The following EIF4ENIF1 variants were observed in gnomAD, a reference collection of about 807,000 sequenced individuals.
EIF4ENIF1 encodes eukaryotic translation initiation factor 4E transporter.
A neutral mutation model predicts 110.5 loss-of-function variants in EIF4ENIF1; 23 were observed. The ratio of observed to expected loss-of-function variants is 0.21; its 90% CI spans 0.15 to 0.29. EIF4ENIF1 has a LOEUF of 0.29. Among genes scored for constraint, EIF4ENIF1 ranks in the 10% least tolerant of loss-of-function variants. EIF4ENIF1 has a pLI of 1.00. For synonymous variants in EIF4ENIF1, 440 were observed against 437.0 expected (o/e 1.01, Z -0.09); for missense variants, 1,031 against 1,221.1 (o/e 0.84, Z 2.32).
chr22:31,488,626 T>G lies in EIF4ENIF1; in HGVS notation c.93A>C (p.Thr31=), dbSNP rs570477448. 5.9e-5 allele frequency: 95 copies of G among 1,614,196 alleles called. 1 individual carries two copies. In the South Asian group the frequency reaches 7.0e-4, roughly 12 times the overall value. ...TTTCATTAGTGGCAAACCTTACTTT[T>G]GTATAGCGATGGGGGCATTTGGAGG... The part of the protein sequence containing the change: ...PPASKCPHRY[T]KEELLDIKEL... Residue 31 remains threonine, a synonymous_variant, in exon 2 of 19, where the codon ACA becomes ACC. Coordinates refer to ENST00000330125, the MANE Select transcript of EIF4ENIF1 (RefSeq NM_019843.4).
At chr22:31,447,769 C>T (rs1340672273) in intron 13 of EIF4ENIF1, among the ~76,000 whole-genome samples, 2 of 152,194 alleles carry the variant, frequency 1.3e-5, no homozygotes, top group Admixed American at 6.5e-5. Flanking sequence ...ATTGTCTAAC[C>T]TTCACTGAGC....
chr22:31,444,111 T>C (rs1353916088), intron 15 of EIF4ENIF1, among the ~76,000 whole-genome samples: 1 of 152,178 alleles, frequency 6.6e-6, no homozygotes, highest in African/African-American at 2.4e-5. Flanking sequence ...ATGAAACATT[T>C]TTTAAAGTAA....
Position 31,439,642 on chromosome 22 carries a change from G to A in EIF4ENIF1, c.*238C>T. 2 of 569,384 alleles carry A rather than the reference G, an allele frequency of 3.5e-6. No individual in the cohort carries two copies. The highest frequency in any genetic ancestry group is 5.9e-6 in the Non-Finnish European group (2 of 337,010). 35.3% of individuals were successfully genotyped at this position (569,384 alleles called of 1,614,324 possible). A position where few individuals can be genotyped will look rare whatever the true frequency, so the allele number is the denominator to read the frequency against. ...CTTCATTCACATATCTTACAAAAAA[G>A]AAAGACCATTTCCAGGATTGACAAC... On this transcript the variant is annotated 3_prime_UTR_variant, in exon 19 of 19. Coordinates refer to ENST00000330125, the MANE Select transcript of EIF4ENIF1 (RefSeq NM_019843.4).
chr22:31,438,985 G>T (rs550277185), downstream of EIF4ENIF1, among the ~76,000 whole-genome samples: 1 of 152,334 alleles, frequency 6.6e-6, no homozygotes, highest in Admixed American at 6.5e-5. Flanking sequence ...CTCCCAGAGT[G>T]CTGAGATTAC....
intron 1 of EIF4ENIF1, chr22:31,489,493 G>A (rs866099132): frequency 1.5e-4 from 22 of 148,960 alleles, no homozygotes; most frequent in African/African-American, 5.1e-4. Context: ...CCGGCCCGGC[G>A]GCTCGGTCCC....
chr22:31,463,271 C>T, intron 5 of EIF4ENIF1, 138 bp from the exon 6 acceptor site: 3 of 768,312 alleles, frequency 3.9e-6, no homozygotes, highest in Non-Finnish European at 6.2e-6. Flanking sequence ...ACCCCCACCC[C>T]TTCCTCCCTG....
At chr22:31,473,253 T>TA (rs1304587089) in intron 2 of EIF4ENIF1, among the ~76,000 whole-genome samples, 2 of 152,182 alleles carry the variant, frequency 1.3e-5, no homozygotes, top group African/African-American at 4.8e-5. Flanking sequence ...AGGATGTACT[T>TA]AGCTGGTATG....
intron 13 of EIF4ENIF1, 139 bp downstream of exon 13, chr22:31,448,014 G>A (rs779691001): frequency 3.3e-6 from 3 of 914,220 alleles, no homozygotes; most frequent in Admixed American, 2.2e-5. Flanking sequence ...CTCCCAAAGT[G>A]CTGGGATTAC....
chr22:31,444,526 G>T (rs2050400447), intron 15 of EIF4ENIF1, 80 bp downstream of exon 15: 2 of 1,349,846 alleles, frequency 1.5e-6, no homozygotes, highest in African/African-American at 1.4e-5. Flanking sequence ...AGGACATTTA[G>T]GGCACACAGT....
At chr22:31,454,027 G>T in intron 10 of EIF4ENIF1, 117 bp downstream of exon 10, 1 of 849,304 alleles carries the variant, frequency 1.2e-6, no homozygotes, top group Non-Finnish European at 1.8e-6. Context: ...AGGACCAAAT[G>T]ACTACTAAAG....
At chr22:31,456,328 A>G (rs549505052) in intron 7 of EIF4ENIF1, among the ~76,000 whole-genome samples, 1 of 148,460 alleles carries the variant, frequency 6.7e-6, no homozygotes, top group East Asian at 2.0e-4. Flanking sequence ...GGTTCACACC[A>G]TTCTCCTGCC....
intron 16 of EIF4ENIF1, among the ~76,000 whole-genome samples, chr22:31,442,397 C>T (rs773160616): frequency 2.6e-5 from 4 of 152,108 alleles, no homozygotes; most frequent in Non-Finnish European, 5.9e-5. Context: ...TCAAAGAACC[C>T]AAACTGTCTT....
downstream of EIF4ENIF1, chr22:31,437,702 T>C (rs1044648545): frequency 6.6e-6 from 1 of 152,114 alleles, no homozygotes; most frequent in Non-Finnish European, 1.5e-5. Flanking sequence ...CCTATTAACG[T>C]TGGTTCAACA....
chr22:31,447,269 A>T (rs1165922188), intron 14 of EIF4ENIF1, among the ~76,000 whole-genome samples, 157 bp downstream of exon 14: 1 of 152,232 alleles, frequency 6.6e-6, no homozygotes, highest in East Asian at 1.9e-4. Context: ...TCCGCTATTA[A>T]ATCTATTTCT....
At chr22:31,444,751 A>G in intron 14 of EIF4ENIF1, 61 bp from the exon 15 acceptor site, 1 of 1,510,524 alleles carries the variant, frequency 6.6e-7, no homozygotes, top group Non-Finnish European at 9.2e-7. Flanking sequence ...TCTTAAAACC[A>G]TATAATACTC....
intron 13 of EIF4ENIF1, among the ~76,000 whole-genome samples, chr22:31,447,861 A>G (rs2050523613): frequency 2.0e-5 from 3 of 152,170 alleles, no homozygotes; most frequent in African/African-American, 7.2e-5. Context: ...GCACCATCAT[A>G]GCTCACGGCA....
chr22:31,441,701 G>A, intron 17 of EIF4ENIF1, 73 bp downstream of exon 17: 5 of 1,268,048 alleles, frequency 3.9e-6, no homozygotes, highest in Non-Finnish European at 5.4e-6. Flanking sequence ...CCACATTATA[G>A]CACTTCATCA....
downstream of EIF4ENIF1, among the ~76,000 whole-genome samples, chr22:31,438,071 A>G (rs185374349): frequency 2.0e-5 from 3 of 152,276 alleles, no homozygotes; most frequent in Admixed American, 2.0e-4. Flanking sequence ...ATTCCCTAAC[A>G]AACGGTCAAG....
At chr22:31,467,398 C>T (rs1275502783) in intron 4 of EIF4ENIF1, among the ~76,000 whole-genome samples, 3 of 152,160 alleles carry the variant, frequency 2.0e-5, no homozygotes, top group East Asian at 3.8e-4. Context: ...ATTACCTGGT[C>T]TCCATTTCAC....
Sources: gnomAD v4.1 joint callset for allele counts (sites outside exome capture counted in the v4.1 genomes callset) on GRCh38, gnomAD v4.1.1 for gene constraint, MANE v1.5 for transcripts, NCBI Gene and HGNC (gene_info 2026-07-23, HGNC 2026-07-21) for gene names.